The following ASTN1 variants were observed in gnomAD, a reference collection of about 807,000 sequenced individuals.
The protein encoded by ASTN1 is astrotactin-1.
In ASTN1, 41 loss-of-function variants were observed where a neutral mutation model predicts 140.7. That is an observed-to-expected ratio of 0.29 (90% confidence interval 0.23 to 0.38). The LOEUF (loss-of-function observed/expected upper bound fraction) is 0.38. Ranked by LOEUF, ASTN1 falls within the 10% of genes least tolerant of loss-of-function variation. ASTN1 has a pLI of 1.00. For synonymous variants in ASTN1, 640 were observed against 652.2 expected (o/e 0.98, Z 0.29); for missense variants, 1,479 against 1,678.8 (o/e 0.88, Z 2.08).
intron 20 of ASTN1, among the ~76,000 whole-genome samples, chr1:176,881,738 T>G (rs557880720): frequency 6.6e-6 from 1 of 152,252 alleles, no homozygotes; most frequent in African/African-American, 2.4e-5. Flanking sequence ...CTTGTGTTTA[T>G]GTACTTTACT....
chr1:177,036,393 A>G (rs908036367), intron 2 of ASTN1, among the ~76,000 whole-genome samples: 7 of 152,124 alleles, frequency 4.6e-5, no homozygotes, highest in African/African-American at 1.7e-4. Context: ...GCTTCAGCCA[A>G]TAGGTAAAAC....
At chr1:176,924,157 T>C (rs1476505443) in intron 16 of ASTN1, among the ~76,000 whole-genome samples, 1 of 152,228 alleles carries the variant, frequency 6.6e-6, no homozygotes, top group Non-Finnish European at 1.5e-5. Flanking sequence ...ATAGAATTTC[T>C]TCTCTACATA....
rs560412171 is a variant in ASTN1, at chr1:177,115,821, A to G, written c.283+48573T>C. On this transcript the variant is annotated intron_variant, in intron 1 of 22. Coordinates refer to ENST00000361833, the MANE Select transcript of ASTN1 (RefSeq NM_004319.3). ...ATAACTACTGCTAATATTTCTGGGG[A>G]ATAATATTCCTTCAGGTCTTCCTCT... 5.9e-5 allele frequency among the ~76,000 whole-genome samples: 9 copies of G among 152,238 alleles called. No homozygotes were observed. In the South Asian group the frequency reaches 1.5e-3, roughly 25 times the overall value.
In ASTN1 at chr1:177,023,453, A is replaced by G; in HGVS notation, c.1389T>C (p.Cys463=). The G allele has an allele frequency of 6.2e-7, 1 of 1,608,860 alleles. No homozygotes were observed. Among genetic ancestry groups the G allele is most frequent in the Non-Finnish European group, 8.5e-7 (1 of 1,177,778 alleles). The part of the protein sequence containing the change: ...NSSGPWAMDL[C]ARRLLDPCEH... ...CACAGGGGTCCAGGAGCCGCCGGGC[A>G]CAGAGGTCCATGGCCCAGGGTCCGC... is the stretch of plus-strand genomic sequence containing the variant. Residue 463 remains cysteine, a synonymous_variant, in exon 7 of 23, where the codon TGT becomes TGC. Transcript: ENST00000361833.
At chr1:176,988,432 T>C (rs1276684937) in intron 8 of ASTN1, among the ~76,000 whole-genome samples, 1 of 152,072 alleles carries the variant, frequency 6.6e-6, no homozygotes, top group Non-Finnish European at 1.5e-5. Context: ...TATTTGCAAA[T>C]TAATAGACAT....
At chr1:176,991,413 C>CAAAAAAAAAAAAAAAAAAAAAAAAA (rs1200261285) in intron 8 of ASTN1, among the ~76,000 whole-genome samples, 2 of 109,540 alleles carry the variant, frequency 1.8e-5, no homozygotes, top group Admixed American at 1.0e-4. Flanking sequence ...AACTCTGTCT[C>CAAAAAAAAAAAAAAAAAAAAAAAAA]AAAAAAAAAA....
intron 8 of ASTN1, among the ~76,000 whole-genome samples, chr1:177,002,602 A>G (rs1203712848): frequency 4.6e-5 from 7 of 152,168 alleles, no homozygotes; most frequent in Non-Finnish European, 8.8e-5. Context: ...TTTGTAAAAA[A>G]AATAGATAAA....
rs147386456 is a variant in ASTN1, at chr1:176,956,905, A to AT, written c.1887+772dup. Among the ~76,000 whole-genome samples the AT allele has an allele frequency of 7.2e-3, 1,098 of 151,968 alleles. 16 individuals are homozygous for AT. The highest frequency in any genetic ancestry group is 0.025 in the African/African-American group (1,036 of 41,460). On this transcript the variant is annotated intron_variant, in intron 11 of 22. Transcript: ENST00000361833. ...TTGTCTTACTAGTTAATAGTATCAC[A>AT]TTTTTTTTAAGAGACAGGGTCTCAC...
In ASTN1 at chr1:177,029,898, C is replaced by T. The variant is rs187469204; in HGVS notation, c.1013-157G>A. Among the ~76,000 whole-genome samples, 29 of 152,262 alleles carry T rather than the reference C, an allele frequency of 1.9e-4. No individual in the cohort carries two copies. In the South Asian group the frequency reaches 2.1e-3, roughly 11 times the overall value. On this transcript the variant is annotated intron_variant, in intron 4 of 22. Coordinates refer to ENST00000361833, the MANE Select transcript of ASTN1 (RefSeq NM_004319.3). ...AAGGGGGTTGGGGCTTCCTCATACA[C>T]GGATATGTTGGAGAAGTAGACCATT...
chr1:177,107,856 G>A (rs922632170), intron 1 of ASTN1, among the ~76,000 whole-genome samples: 6 of 152,148 alleles, frequency 3.9e-5, no homozygotes, highest in Non-Finnish European at 8.8e-5. Flanking sequence ...ACGGATGAAT[G>A]TAGATGAAAC....
chr1:176,991,944 C>T (rs1484945058), intron 8 of ASTN1, among the ~76,000 whole-genome samples: 1 of 152,058 alleles, frequency 6.6e-6, no homozygotes, highest in African/African-American at 2.4e-5. Context: ...CTCCCCTAGG[C>T]CAAAATAAGT....
intron 1 of ASTN1, among the ~76,000 whole-genome samples, chr1:177,095,066 G>A (rs887177314): frequency 6.6e-6 from 1 of 152,198 alleles, no homozygotes; most frequent in Admixed American, 6.5e-5. Context: ...GTAGAAGGTA[G>A]AATTTGTGAG....
intron 16 of ASTN1, among the ~76,000 whole-genome samples, chr1:176,925,216 T>C (rs1022911359): frequency 4.6e-5 from 7 of 151,860 alleles, no homozygotes; most frequent in East Asian, 1.9e-4. Context: ...CTCTGTGGAG[T>C]TGACATCAGG....
intron 21 of ASTN1, among the ~76,000 whole-genome samples, chr1:176,870,983 A>C (rs1287657549): frequency 6.6e-6 from 1 of 152,206 alleles, no homozygotes; most frequent in African/African-American, 2.4e-5. Flanking sequence ...CCAAGGTCAC[A>C]CTGCCAGGGT....
intron 10 of ASTN1, among the ~76,000 whole-genome samples, chr1:176,958,060 AG>A (rs764301692): frequency 5.9e-5 from 9 of 152,238 alleles, no homozygotes; most frequent in Non-Finnish European, 1.3e-4. Flanking sequence ...GTCTAAACTC[AG>A]GCAAGGAAAT....
In ASTN1 at chr1:177,112,366, C is replaced by T. The variant is rs192677187; in HGVS notation, c.284-51101G>A. On this transcript the variant is annotated intron_variant, in intron 1 of 22. Transcript: ENST00000361833. ...CAAGCCAGTTATTTCCAGGACCTCT[C>T]GCTCCTATCCGCCACGCCTTCTCTG... Among the ~76,000 whole-genome samples, 42 of 152,326 alleles carry T rather than the reference C, an allele frequency of 2.8e-4. 1 individual carries two copies. The highest frequency in any genetic ancestry group is 6.3e-4 in the African/African-American group (26 of 41,576).
At chr1:177,038,518 G>A (rs1406035105) in intron 2 of ASTN1, among the ~76,000 whole-genome samples, 4 of 152,110 alleles carry the variant, frequency 2.6e-5, no homozygotes, top group Non-Finnish European at 4.4e-5. Context: ...AGCAAAGAGG[G>A]AGGAAGAGAA....
downstream of ASTN1, among the ~76,000 whole-genome samples, chr1:176,859,152 C>T (rs900235387): frequency 1.4e-4 from 22 of 152,232 alleles, no homozygotes; most frequent in African/African-American, 5.3e-4. Context: ...CCTTCTCTTC[C>T]AATGTTTTTT....
At chr1:177,006,814 G>A (rs1171220253) in intron 8 of ASTN1, among the ~76,000 whole-genome samples, 1 of 152,136 alleles carries the variant, frequency 6.6e-6, no homozygotes, top group African/African-American at 2.4e-5. Flanking sequence ...CAGCACTGTA[G>A]GTGGACTCTC....
Sources: gnomAD v4.1 joint callset for allele counts (sites outside exome capture counted in the v4.1 genomes callset) on GRCh38, gnomAD v4.1.1 for gene constraint, MANE v1.5 for transcripts, NCBI Gene and HGNC (gene_info 2026-07-23, HGNC 2026-07-21) for gene names.